Variants in PDXK observed in about 807,000 individuals in gnomAD.
The protein encoded by PDXK is pyridoxal kinase, also known as epididymis secretory sperm binding protein Li 1a.
PDXK carries 15 observed loss-of-function variants against 43.2 expected under a neutral mutation model. That is an observed-to-expected ratio of 0.35 (90% CI 0.23 to 0.53). The LOEUF (loss-of-function observed/expected upper bound fraction) is 0.53, where lower values mean the gene tolerates loss of function less well. Ranked by LOEUF, PDXK falls within the 20% of genes least tolerant of loss-of-function variation. PDXK has a pLI of 0.92. For missense variants in PDXK, 343 were observed against 417.0 expected, an observed-to-expected ratio of 0.82 and a Z score of 1.54; for synonymous variants, 172 against 165.4, an observed-to-expected ratio of 1.04 and a Z score of -0.31.
At chr21:43,740,755 C>T (rs1157176414) in intron 2 of PDXK, among the ~76,000 whole-genome samples, 1 of 151,878 alleles carries the variant, frequency 6.6e-6, no homozygotes, top group African/African-American at 2.4e-5. Context: ...TACACCTGGG[C>T]TGAGGCCTCT....
In PDXK at chr21:43,732,724, A is replaced by C; in HGVS notation, c.88-1345A>C. ...TGTGGATTCGGGCTGGTACATTTGC[A>C]AAGTGCCCATTTTATTTTTTATTTT... On this transcript the variant is annotated intron_variant, in intron 1 of 10. Coordinates refer to ENST00000291565, the MANE Select transcript of PDXK (RefSeq NM_003681.5). The surrounding 1 kb of genome is among the most constrained non-coding windows in gnomAD (Gnocchi z 4.1). The C allele has an allele frequency of 1.4e-6, 1 of 715,074 alleles. No individual in the cohort carries two copies. The highest frequency in any genetic ancestry group is 1.5e-5 in the South Asian group (1 of 64,700). The allele number at this position is 715,074 out of a possible 1,614,324, so 44.3% of individuals were successfully genotyped here.
intron 3 of PDXK, among the ~76,000 whole-genome samples, chr21:43,742,133 T>C (rs2083546656): frequency 6.6e-6 from 1 of 152,162 alleles, no homozygotes; most frequent in Non-Finnish European, 1.5e-5. Flanking sequence ...ACTGCCATCC[T>C]TTGTCAACTT....
rs1418436126 is a variant in PDXK, at chr21:43,732,129, C to G, written c.88-1940C>G. 8.2e-6 allele frequency: 11 copies of G among 1,346,804 alleles called. No homozygotes were observed. The highest frequency in any genetic ancestry group is 1.5e-5 in the African/African-American group (1 of 68,168). The allele number at this position is 1,346,804 out of a possible 1,614,324, so 83.4% of individuals were successfully genotyped here. On this transcript the variant is annotated intron_variant, in intron 1 of 10. Transcript: ENST00000291565. This position sits in a 1 kb window ranked among gnomAD's most constrained non-coding sequence, Gnocchi z 4.1. The stretch of plus-strand genomic sequence containing the variant: ...AGAGCACTGCTGACAGAAGCCCATT[C>G]TCTTCGCAGGCTTCAGTTTCACATT...
chr21:43,752,749 G>T, intron 8 of PDXK, 120 bp downstream of exon 8: 1 of 632,674 alleles, frequency 1.6e-6, no homozygotes. Context: ...CCAGCACCGG[G>T]ATGACACCCC....
chr21:43,742,193 T>G (rs2083548015), intron 3 of PDXK, among the ~76,000 whole-genome samples: 1 of 152,188 alleles, frequency 6.6e-6, no homozygotes, highest in Admixed American at 6.5e-5. Flanking sequence ...ATTATTATTA[T>G]TTTTGAGACA....
intron 2 of PDXK, among the ~76,000 whole-genome samples, chr21:43,739,098 TA>T (rs2083451543): frequency 6.6e-6 from 1 of 152,098 alleles, no homozygotes; most frequent in Admixed American, 6.5e-5. Context: ...CACGCCCGGC[TA>T]ATTTTTTTGT....
rs1200084373 is a variant in PDXK, at chr21:43,758,752, A to G, written c.*2689A>G. 1 of 152,366 alleles carries G rather than the reference A, an allele frequency of 6.6e-6. No individual in the cohort carries two copies. The highest frequency in any genetic ancestry group is 1.5e-5 in the Non-Finnish European group (1 of 68,054). The allele number at this position is 152,366 out of a possible 1,614,324, so 9.4% of individuals were successfully genotyped here. ...AAGGTGACAGCTATACTGGTCCAAC[A>G]TCGCCTGCTTATTGTCAGGGTACAG... On this transcript the variant is annotated 3_prime_UTR_variant, in exon 11 of 11. Transcript: ENST00000291565.
At chr21:43,720,091 G>A (rs551893990) in intron 1 of PDXK, among the ~76,000 whole-genome samples, 1 of 152,332 alleles carries the variant, frequency 6.6e-6, no homozygotes, top group African/African-American at 2.4e-5. Flanking sequence ...CTTTTAAAAC[G>A]CGTTGGCCCA....
At chr21:43,750,829 T>C (rs1043506681) in intron 7 of PDXK, among the ~76,000 whole-genome samples, 1 of 148,822 alleles carries the variant, frequency 6.7e-6, no homozygotes, top group African/African-American at 2.5e-5. Context: ...CATGTGTGCA[T>C]GTGTGCACGT....
chr21:43,738,043 G>A (rs1171519919), intron 2 of PDXK: 4 of 985,444 alleles, frequency 4.1e-6, no homozygotes, highest in African/African-American at 3.5e-5. Context: ...AGTGCTGGAC[G>A]TCTCCCCTTC....
intron 5 of PDXK, 109 bp downstream of exon 5, chr21:43,746,234 G>C (rs1261354578): frequency 8.0e-6 from 7 of 877,342 alleles, no homozygotes; most frequent in Middle Eastern, 4.4e-4. Context: ...GGACTCCTCT[G>C]TCCAGGGGTA....
Position 43,762,227 on chromosome 21 carries a change from T to C in PDXK, c.*6164T>C, listed in dbSNP as rs2083943487. ...TGTGAGCCTCGGTCCTACAGCACTGTGTAGGCTGCATCTGTTTCGTGCTGG... is the reference window on the plus strand; with the variant it reads ...TGTGAGCCTCGGTCCTACAGCACTGCGTAGGCTGCATCTGTTTCGTGCTGG... On this transcript the variant is annotated 3_prime_UTR_variant, in exon 11 of 11. Transcript: ENST00000291565. 1 of 152,348 alleles carries C rather than the reference T, an allele frequency of 6.6e-6. No homozygotes were observed. The highest frequency in any genetic ancestry group is 1.5e-5 in the Non-Finnish European group (1 of 68,092). 9.4% of individuals were successfully genotyped at this position (152,348 alleles called of 1,614,324 possible).
chr21:43,721,118 G>T (rs2083203430), intron 1 of PDXK, among the ~76,000 whole-genome samples: 1 of 152,230 alleles, frequency 6.6e-6, no homozygotes, highest in Non-Finnish European at 1.5e-5. Context: ...CGATGTCCAA[G>T]CCCGGCTGGA....
chr21:43,755,562 A>G (rs2083833499), intron 9 of PDXK, 136 bp from the exon 10 acceptor site: 1 of 765,830 alleles, frequency 1.3e-6, no homozygotes, highest in African/African-American at 1.7e-5. Flanking sequence ...CAGCACGTGC[A>G]TTGGCGGAGC....
chr21:43,755,890 TG>T, intron 10 of PDXK, 60 bp from the exon 11 acceptor site: 2 of 1,453,290 alleles, frequency 1.4e-6, no homozygotes, highest in South Asian at 1.1e-5. Context: ...CCTCTGGGAG[TG>T]GGGGCAACAG....
intron 2 of PDXK, among the ~76,000 whole-genome samples, chr21:43,739,603 C>A (rs2083459529): frequency 6.7e-6 from 1 of 149,594 alleles, no homozygotes; most frequent in South Asian, 2.1e-4. Context: ...TTTAAAAGCC[C>A]CTTGAAACCA....
intron 1 of PDXK, among the ~76,000 whole-genome samples, chr21:43,724,462 C>T (rs986519924): frequency 3.9e-5 from 6 of 152,134 alleles, no homozygotes; most frequent in African/African-American, 7.2e-5. Flanking sequence ...CGAGTAACCC[C>T]GGGCTCCCAG....
chr21:43,737,827 G>A lies in PDXK; in HGVS notation c.142+3704G>A, dbSNP rs2083430696. On this transcript the variant is annotated intron_variant, in intron 2 of 10. Coordinates refer to ENST00000291565, the MANE Select transcript of PDXK (RefSeq NM_003681.5). This position sits in a 1 kb window ranked among gnomAD's most constrained non-coding sequence, Gnocchi z 4.8. ...GGGCCGCCCGAGGAACCGCTTGTTT[G>A]CCTGTGCTTTTTCATCTGTAAATGG... 11 of 985,504 alleles carry A rather than the reference G, an allele frequency of 1.1e-5. No individual in the cohort carries two copies. The highest frequency in any genetic ancestry group is 1.2e-5 in the Non-Finnish European group (10 of 829,964). The allele number at this position is 985,504 out of a possible 1,614,324, so 61.0% of individuals were successfully genotyped here.
At position 43,757,838 on chromosome 21, in the gene PDXK, G is replaced by A. The variant is rs77753871; in HGVS notation, c.*1775G>A. The A allele has an allele frequency of 0.16, 24,936 of 152,202 alleles. 2,344 individuals carry two copies. Among genetic ancestry groups the A allele is most frequent in the Middle Eastern group, 0.32 (93 of 294 alleles). The allele number at this position is 152,202 out of a possible 1,614,324, so 9.4% of individuals were successfully genotyped here. On this transcript the variant is annotated 3_prime_UTR_variant, in exon 11 of 11. Coordinates refer to ENST00000291565, the MANE Select transcript of PDXK (RefSeq NM_003681.5). ...AGGATGGCTGTGTCCGGAGCCTGGC[G>A]GGGAGGCGGCCTCCCCAGTATGTGA...
Sources: gnomAD v4.1 joint callset for allele counts (sites outside exome capture counted in the v4.1 genomes callset) on GRCh38, gnomAD v4.1.1 for gene constraint, Gnocchi (gnomAD v3.1) non-coding constraint, MANE v1.5 for transcripts, NCBI Gene and HGNC (gene_info 2026-07-23, HGNC 2026-07-21) for gene names.